Variants in SPINK13 observed in about 807,000 individuals in gnomAD.
SPINK13 encodes the protein serine peptidase inhibitor Kazal type 13, also known as serine protease inhibitor Kazal-type 13.
In SPINK13, 11 loss-of-function variants were observed where a neutral mutation model predicts 11.0. The ratio of observed to expected loss-of-function variants is 1.00; its 90% CI spans 0.63 to 1.65. SPINK13 has a LOEUF of 1.65. Ranked by LOEUF, SPINK13 falls within the 40% of genes most tolerant of loss-of-function variation. The pLI is 0.00. For synonymous variants in SPINK13, 31 were observed against 35.6 expected (o/e 0.87, Z 0.46); for missense variants, 113 against 117.7 (o/e 0.96, Z 0.19).
intron 4 of SPINK13, among the ~76,000 whole-genome samples, chr5:148,284,325 C>A (rs191155568): frequency 2.6e-5 from 4 of 151,994 alleles, no homozygotes; most frequent in Admixed American, 2.6e-4. Flanking sequence ...CTTCCTCCCT[C>A]TCTCCCTCTT....
chr5:148,275,293 G>A (rs1756408697), intron 3 of SPINK13, among the ~76,000 whole-genome samples: 1 of 152,052 alleles, frequency 6.6e-6, no homozygotes, highest in Non-Finnish European at 1.5e-5. Flanking sequence ...CTTCATACAT[G>A]TCCCTGCAAA....
intron 3 of SPINK13, among the ~76,000 whole-genome samples, chr5:148,278,457 C>A (rs1756464306): frequency 6.6e-6 from 1 of 152,180 alleles, no homozygotes. Flanking sequence ...CCCAGAGATT[C>A]TGTTATGTTG....
rs1756499837 is a variant in SPINK13, at chr5:148,280,716, T to C, written c.109-1388T>C. On this transcript the variant is annotated intron_variant, in intron 3 of 4. Coordinates refer to ENST00000398450, the MANE Select transcript of SPINK13 (RefSeq NM_001040129.3). Reference sequence around the variant, plus strand: ...AGAGCTCTCCTCTTTGAGGTGTCCGTAGACCCCTGCTGGGAGGCATCTCCC... The same window carrying C: ...AGAGCTCTCCTCTTTGAGGTGTCCGCAGACCCCTGCTGGGAGGCATCTCCC... Among the ~76,000 whole-genome samples, 11 of 152,294 alleles carry C rather than the reference T, an allele frequency of 7.2e-5. No homozygotes were observed. In the South Asian group the frequency reaches 2.3e-3, roughly 32 times the overall value.
Position 148,282,043 on chromosome 5 carries a change from A to G in SPINK13, c.109-61A>G, listed in dbSNP as rs1581168511. 3 of 1,595,566 alleles carry G rather than the reference A, an allele frequency of 1.9e-6. No homozygotes were observed. The Admixed American group carries it at 5.1e-5, about 27-fold the overall frequency. Reference sequence around the variant, plus strand: ...ATTTTTTAAGTGGGGCAGAAGTGACAGGAAGAAATAGATGGGAGAGAGTGT... The same window carrying G: ...ATTTTTTAAGTGGGGCAGAAGTGACGGGAAGAAATAGATGGGAGAGAGTGT... On this transcript the variant is annotated intron_variant, in intron 3 of 4. Transcript: ENST00000398450.
In SPINK13 at chr5:148,270,168, G is replaced by A. The variant is rs746710847; in HGVS notation, c.70+26G>A. On this transcript the variant is annotated intron_variant, in intron 2 of 4. Transcript: ENST00000398450. ...GTGAGTAACCTAAGAGGTTTTGGGA[G>A]ATAAACTCTGATTTTCTTAAAGTTA... is the stretch of plus-strand genomic sequence containing the variant. The A allele has an allele frequency of 2.5e-6, 4 of 1,599,444 alleles. No homozygotes were observed. The Admixed American group carries it at 5.1e-5, about 20-fold the overall frequency.
intron 2 of SPINK13, among the ~76,000 whole-genome samples, 194 bp from the exon 3 acceptor site, chr5:148,274,153 T>C (rs1257421712): frequency 6.6e-6 from 1 of 152,156 alleles, no homozygotes; most frequent in Non-Finnish European, 1.5e-5. Flanking sequence ...ATAAAATCAA[T>C]ACTGTGAAAA....
intron 4 of SPINK13, 30 bp downstream of exon 4, chr5:148,282,261 T>C: frequency 6.2e-7 from 1 of 1,607,858 alleles, no homozygotes; most frequent in South Asian, 1.1e-5. Flanking sequence ...CCATTATTTT[T>C]TCCCTCTACT....
chr5:148,269,849 A>C (rs546048424), intron 1 of SPINK13, among the ~76,000 whole-genome samples, 191 bp from the exon 2 acceptor site: 1 of 152,010 alleles, frequency 6.6e-6, no homozygotes, highest in Non-Finnish European at 1.5e-5. Flanking sequence ...AAAAAAAGTC[A>C]TTTTTTTATG....
intron 1 of SPINK13, among the ~76,000 whole-genome samples, 182 bp from the exon 2 acceptor site, chr5:148,269,858 T>C (rs771737899): frequency 2.0e-5 from 3 of 152,202 alleles, no homozygotes; most frequent in Non-Finnish European, 4.4e-5. Flanking sequence ...CATTTTTTTA[T>C]GTTTTTCATC....
chr5:148,274,293 T>C (rs72834739), intron 2 of SPINK13, 54 bp from the exon 3 acceptor site: 124 of 1,337,498 alleles, frequency 9.3e-5, no homozygotes, highest in Non-Finnish European at 1.3e-4. Flanking sequence ...GGTGATGTTA[T>C]ATCCCATGGA....
chr5:148,285,948 C>T, intron 4 of SPINK13, 52 bp from the exon 5 acceptor site: 2 of 1,080,624 alleles, frequency 1.9e-6, no homozygotes, highest in South Asian at 3.0e-5. Context: ...CATTCAATAC[C>T]AATGTTCACT....
chr5:148,283,046 G>A (rs1756540855), intron 4 of SPINK13, among the ~76,000 whole-genome samples: 1 of 152,140 alleles, frequency 6.6e-6, no homozygotes, highest in South Asian at 2.1e-4. Flanking sequence ...AAAGATGCAT[G>A]AGGTGGAGTC....
At chr5:148,279,715 T>C (rs1756484916) in intron 3 of SPINK13, among the ~76,000 whole-genome samples, 1 of 152,166 alleles carries the variant, frequency 6.6e-6, no homozygotes, top group African/African-American at 2.4e-5. Flanking sequence ...CCTTAACATT[T>C]TTTCCTTCAT....
chr5:148,280,574 G>A (rs1756497748), intron 3 of SPINK13, among the ~76,000 whole-genome samples: 1 of 152,174 alleles, frequency 6.6e-6, no homozygotes, highest in African/African-American at 2.4e-5. Flanking sequence ...GTTTGCTGGA[G>A]GTCCACTCCA....
intron 2 of SPINK13, among the ~76,000 whole-genome samples, chr5:148,273,874 G>A (rs536142958): frequency 6.6e-6 from 1 of 152,252 alleles, no homozygotes; most frequent in South Asian, 2.1e-4. Flanking sequence ...AACCCATAAA[G>A]TCAGTATCCT....
chr5:148,278,334 C>T (rs1388593569), intron 3 of SPINK13, among the ~76,000 whole-genome samples: 2 of 152,118 alleles, frequency 1.3e-5, no homozygotes, highest in African/African-American at 4.8e-5. Context: ...TTTGCTCTTG[C>T]TTCTCTAGTT....
intron 3 of SPINK13, among the ~76,000 whole-genome samples, chr5:148,279,132 G>T (rs1431186370): frequency 4.3e-5 from 4 of 93,994 alleles, no homozygotes; most frequent in East Asian, 4.2e-4. Context: ...CCATTTGCTT[G>T]GTAAATCTTC....
intron 3 of SPINK13, among the ~76,000 whole-genome samples, chr5:148,279,317 C>T (rs1756478938): frequency 2.6e-5 from 4 of 151,984 alleles, no homozygotes; most frequent in Admixed American, 2.6e-4. Flanking sequence ...TTGATCCTGT[C>T]ATTATTATGC....
At chr5:148,279,091 C>CTTTTTT (rs746029113) in intron 3 of SPINK13, among the ~76,000 whole-genome samples, 53 of 51,686 alleles carry the variant, frequency 1.0e-3, no homozygotes, top group Non-Finnish European at 1.3e-3. Context: ...GCAACCCCTG[C>CTTTTTT]TTTTTTTTTT....
Sources: allele counts gnomAD v4.1 joint callset (sites outside exome capture counted in the v4.1 genomes callset), GRCh38; gene constraint gnomAD v4.1.1; transcripts MANE v1.5; gene names NCBI Gene and HGNC (gene_info 2026-07-23, HGNC 2026-07-21).